The following GSG1L variants were observed in gnomAD, a reference collection of about 807,000 sequenced individuals.
GSG1L encodes the protein germ cell-specific gene 1-like protein.
GSG1L carries 24 observed loss-of-function variants against 42.1 expected under a neutral mutation model. The observed-to-expected ratio is 0.57, with a 90% confidence interval of 0.41 to 0.80. GSG1L has a LOEUF of 0.80. Among genes scored for constraint, GSG1L ranks in the 30% least tolerant of loss-of-function variants. The pLI is 0.00. For missense variants in GSG1L, 445 were observed against 472.2 expected (o/e 0.94, Z 0.53); for synonymous variants, 215 against 203.5 (o/e 1.06, Z -0.48).
chr16:27,949,251 G>A (rs989640174), intron 2 of GSG1L, among the ~76,000 whole-genome samples: 2 of 151,970 alleles, frequency 1.3e-5, no homozygotes, highest in African/African-American at 4.8e-5. Flanking sequence ...AAAGCATCTT[G>A]AAAAAATAAA....
intron 3 of GSG1L, among the ~76,000 whole-genome samples, chr16:27,874,311 C>T (rs961782031): frequency 6.6e-6 from 1 of 151,948 alleles, no homozygotes; most frequent in African/African-American, 2.4e-5. Flanking sequence ...TTTGAGCCAG[C>T]CTGACCTCAA....
At chr16:27,874,070 T>C (rs1210905168) in intron 3 of GSG1L, among the ~76,000 whole-genome samples, 1 of 152,206 alleles carries the variant, frequency 6.6e-6, no homozygotes, top group African/African-American at 2.4e-5. Flanking sequence ...TATGTGCTCC[T>C]GTCTCCCCAC....
intron 6 of GSG1L, among the ~76,000 whole-genome samples, chr16:27,792,995 TA>T (rs2082772530): frequency 6.6e-6 from 1 of 152,220 alleles, no homozygotes; most frequent in Non-Finnish European, 1.5e-5. Context: ...TTTCAGCATT[TA>T]AAAAAATGTG....
chr16:27,988,089 T>A (rs79918890), intron 1 of GSG1L, among the ~76,000 whole-genome samples: 2,000 of 152,090 alleles, frequency 0.013, 37 homozygotes, highest in African/African-American at 0.042. Context: ...CTAGGTAAGA[T>A]ACTGGAATAT....
intron 1 of GSG1L, among the ~76,000 whole-genome samples, chr16:28,058,189 G>C (rs981159056): frequency 6.6e-5 from 10 of 152,148 alleles, no homozygotes; most frequent in African/African-American, 2.4e-4. Context: ...GGAGCCTCCC[G>C]CCTGGGTGCA....
chr16:28,040,642 G>A lies in GSG1L; in HGVS notation c.349+22434C>T, dbSNP rs1287203745. 6.6e-6 allele frequency among the ~76,000 whole-genome samples: 1 copy of A among 152,186 alleles called. No individual in the cohort carries two copies. The highest frequency in any genetic ancestry group is 1.9e-4 in the East Asian group (1 of 5,188). On this transcript the variant is annotated intron_variant, in intron 1 of 6. Transcript: ENST00000447459. This position sits in a 1 kb window ranked among gnomAD's most constrained non-coding sequence, Gnocchi z 4.1. Reference sequence around the variant, plus strand: ...CTTCCAGCAACCTAAGAAGAGACCCGCAGGACATGAAGATGCTCTCAGAGC... The same window carrying A: ...CTTCCAGCAACCTAAGAAGAGACCCACAGGACATGAAGATGCTCTCAGAGC...
intron 2 of GSG1L, among the ~76,000 whole-genome samples, chr16:27,902,354 G>A (rs1466955796): frequency 6.6e-6 from 1 of 152,190 alleles, no homozygotes; most frequent in South Asian, 2.1e-4. Flanking sequence ...TGAAGACTGA[G>A]AGATGAGAAA....
chr16:28,054,048 G>T (rs570006140), intron 1 of GSG1L, among the ~76,000 whole-genome samples: 1 of 152,082 alleles, frequency 6.6e-6, no homozygotes, highest in African/African-American at 2.4e-5. Context: ...GATTCTGTGT[G>T]TGCCACCCGC....
intron 1 of GSG1L, among the ~76,000 whole-genome samples, chr16:28,000,375 T>C (rs1377588492): frequency 6.6e-6 from 1 of 152,174 alleles, no homozygotes; most frequent in African/African-American, 2.4e-5. Context: ...GCCTAGGACC[T>C]TGCTGCATGG....
intron 4 of GSG1L, among the ~76,000 whole-genome samples, chr16:27,842,887 A>AT (rs911339787): frequency 2.6e-5 from 4 of 151,544 alleles, no homozygotes; most frequent in African/African-American, 9.7e-5. Flanking sequence ...CTAGCACCTG[A>AT]TTCCCTCCTG....
intron 2 of GSG1L, among the ~76,000 whole-genome samples, chr16:27,953,437 G>T (rs1003937875): frequency 1.3e-5 from 2 of 152,152 alleles, no homozygotes; most frequent in African/African-American, 4.8e-5. Context: ...TAGGTGTGTT[G>T]ATGAGCATTG....
chr16:27,872,101 A>C (rs904345785), intron 3 of GSG1L, among the ~76,000 whole-genome samples: 2 of 152,238 alleles, frequency 1.3e-5, no homozygotes, highest in Non-Finnish European at 2.9e-5. Context: ...AATGCCATGC[A>C]TATGAGCTCT....
chr16:27,867,974 C>T (rs1447313412), intron 3 of GSG1L, among the ~76,000 whole-genome samples: 3 of 152,240 alleles, frequency 2.0e-5, no homozygotes, highest in Non-Finnish European at 2.9e-5. Context: ...CCACTAAGTC[C>T]CTTAAAAACT....
At position 28,063,460 on chromosome 16, in the gene GSG1L, G is replaced by C; in HGVS notation, c.-36C>G. On this transcript the variant is annotated 5_prime_UTR_variant, in exon 1 of 7. Transcript: ENST00000447459. The surrounding 1 kb of genome is among the most constrained non-coding windows in gnomAD (Gnocchi z 5.8). The stretch of plus-strand genomic sequence containing the variant: ...CCGCCGGGACGGGACTGCACCGCCG[G>C]GGAGCTCCGCGCGCGAAGTTGGCAG... The C allele has an allele frequency of 1.7e-6, 2 of 1,143,346 alleles. No individual in the cohort carries two copies. Among genetic ancestry groups the C allele is most frequent in the Non-Finnish European group, 1.1e-6 (1 of 930,050 alleles). 70.8% of individuals were successfully genotyped at this position (1,143,346 alleles called of 1,614,324 possible). A position where few individuals can be genotyped will look rare whatever the true frequency, so the allele number is the denominator to read the frequency against.
At chr16:27,904,413 T>G (rs1385904285) in intron 2 of GSG1L, among the ~76,000 whole-genome samples, 1 of 152,138 alleles carries the variant, frequency 6.6e-6, no homozygotes, top group Admixed American at 6.6e-5. Context: ...ATGTCTTCCC[T>G]GATCCCACTA....
intron 2 of GSG1L, among the ~76,000 whole-genome samples, chr16:27,890,344 T>C (rs1166084135): frequency 1.3e-5 from 2 of 152,014 alleles, no homozygotes; most frequent in South Asian, 2.1e-4. Context: ...GGAAGCCAGG[T>C]TGGGGAAGCT....
intron 1 of GSG1L, among the ~76,000 whole-genome samples, chr16:28,001,399 C>T (rs1340853867): frequency 6.6e-6 from 1 of 152,232 alleles, no homozygotes; most frequent in African/African-American, 2.4e-5. Flanking sequence ...ATGCACAAGA[C>T]ACACAGTGTT....
In GSG1L at chr16:27,983,531, A is replaced by C. The variant is rs140214813; in HGVS notation, c.350-20328T>G. ...GTTTCAGGGAAGCTTGATAAATTAA[A>C]GAATTGTGATTTTTGTAATGTCATC... On this transcript the variant is annotated intron_variant, in intron 1 of 6. Transcript: ENST00000447459. Among the ~76,000 whole-genome samples the C allele has an allele frequency of 1.2e-3, 182 of 152,312 alleles. 1 individual carries two copies. Among genetic ancestry groups the C allele is most frequent in the African/African-American group, 4.2e-3 (173 of 41,576 alleles).
chr16:27,924,737 A>T (rs1464155771), intron 2 of GSG1L, among the ~76,000 whole-genome samples: 1 of 152,222 alleles, frequency 6.6e-6, no homozygotes. Flanking sequence ...TCTGGAGTTG[A>T]TTAATTTTGC....
Sources: allele counts gnomAD v4.1 joint callset (sites outside exome capture counted in the v4.1 genomes callset), GRCh38; gene constraint gnomAD v4.1.1; non-coding constraint Gnocchi (gnomAD v3.1); transcripts MANE v1.5; gene names NCBI Gene and HGNC (gene_info 2026-07-23, HGNC 2026-07-21).